PHTF2: variants seen among roughly 807,000 people sequenced by gnomAD.
PHTF2 encodes the protein putative homeodomain transcription factor 2, also known as protein PHTF2.
In PHTF2, 60 loss-of-function variants were observed where a neutral mutation model predicts 101.2. That is an observed-to-expected ratio of 0.59 (90% CI 0.48 to 0.73). The LOEUF is 0.73. Ranked by LOEUF, PHTF2 falls within the 30% of genes least tolerant of loss-of-function variation. The pLI, the probability that PHTF2 is intolerant of heterozygous loss-of-function variation, is 0.00. For synonymous variants in PHTF2, 311 were observed against 307.3 expected, an observed-to-expected ratio of 1.01 and a Z score of -0.13; for missense variants, 747 against 908.7, an observed-to-expected ratio of 0.82 and a Z score of 2.29.
At position 77,843,044 on chromosome 7, in the gene PHTF2, A is replaced by G. The variant is rs143625244; in HGVS notation, c.45+2744A>G. 9.8e-4 allele frequency among the ~76,000 whole-genome samples: 150 copies of G among 152,312 alleles called. 1 individual carries two copies. Among genetic ancestry groups the G allele is most frequent in the African/African-American group, 3.4e-3 (141 of 41,570 alleles). On this transcript the variant is annotated intron_variant, in intron 2 of 19. Transcript: ENST00000416283. ...ACACCATTTTTAAAAATGATATTTC[A>G]TGTTTTGAAGCATGCCTGCCTTGTT...
At chr7:77,888,399 A>G (rs1232021756) in intron 3 of PHTF2, among the ~76,000 whole-genome samples, 1 of 152,190 alleles carries the variant, frequency 6.6e-6, no homozygotes, top group African/African-American at 2.4e-5. Context: ...TACGGGCATG[A>G]GCCGCTGCGC....
At chr7:77,932,823 T>C (rs908771429) in intron 12 of PHTF2, among the ~76,000 whole-genome samples, 2 of 152,142 alleles carry the variant, frequency 1.3e-5, no homozygotes, top group African/African-American at 4.8e-5. Flanking sequence ...CATTTACTTA[T>C]GCCACACACT....
intron 2 of PHTF2, among the ~76,000 whole-genome samples, chr7:77,852,766 G>A: frequency 6.6e-6 from 1 of 152,194 alleles, no homozygotes; most frequent in Non-Finnish European, 1.5e-5. Context: ...TTGAAGGACA[G>A]ATCTGGTGTT....
chr7:77,894,676 T>C (rs1433874333), intron 5 of PHTF2, among the ~76,000 whole-genome samples: 1 of 152,088 alleles, frequency 6.6e-6, no homozygotes, highest in Non-Finnish European at 1.5e-5. Context: ...TAATTACACA[T>C]GAGATAAATT....
At chr7:77,918,555 T>C (rs956336090) in intron 9 of PHTF2, among the ~76,000 whole-genome samples, 1 of 152,204 alleles carries the variant, frequency 6.6e-6, no homozygotes, top group African/African-American at 2.4e-5. Flanking sequence ...GGATATCAAG[T>C]AACAACTTCA....
chr7:77,851,435 T>C (rs921691191), intron 2 of PHTF2, among the ~76,000 whole-genome samples: 3 of 152,190 alleles, frequency 2.0e-5, no homozygotes, highest in Non-Finnish European at 2.9e-5. Flanking sequence ...TGAATTTCTG[T>C]AGAGTCCATT....
intron 3 of PHTF2, among the ~76,000 whole-genome samples, chr7:77,890,380 A>G (rs894185535): frequency 1.7e-4 from 26 of 152,032 alleles, no homozygotes; most frequent in African/African-American, 6.0e-4. Context: ...GGATTATTTT[A>G]TTTTTCCTGA....
intron 3 of PHTF2, among the ~76,000 whole-genome samples, chr7:77,860,588 G>C (rs905810812): frequency 6.6e-6 from 1 of 152,192 alleles, no homozygotes; most frequent in Non-Finnish European, 1.5e-5. Context: ...TAAACACCAA[G>C]TACAGTGCTT....
chr7:77,851,744 C>T (rs1036584548), intron 2 of PHTF2, among the ~76,000 whole-genome samples: 4 of 151,560 alleles, frequency 2.6e-5, no homozygotes. Flanking sequence ...TCTTCTACTA[C>T]TGATTCTGGG....
intron 12 of PHTF2, among the ~76,000 whole-genome samples, chr7:77,931,504 A>G (rs1804561648): frequency 6.6e-6 from 1 of 152,240 alleles, no homozygotes; most frequent in South Asian, 2.1e-4. Context: ...AGTTAGGGAA[A>G]TGTAAATTAG....
At chr7:77,847,639 A>G (rs1796407285) in intron 2 of PHTF2, among the ~76,000 whole-genome samples, 1 of 152,238 alleles carries the variant, frequency 6.6e-6, no homozygotes, top group South Asian at 2.1e-4. Flanking sequence ...TTTTGATACA[A>G]ACATATAATC....
At chr7:77,826,276 A>G (rs1794692694) in intron 1 of PHTF2, among the ~76,000 whole-genome samples, 1 of 152,254 alleles carries the variant, frequency 6.6e-6, no homozygotes, top group Non-Finnish European at 1.5e-5. Flanking sequence ...TCCAGAAGAC[A>G]ATGGAAAAAT....
chr7:77,911,199 A>G (rs1355574178), intron 9 of PHTF2, among the ~76,000 whole-genome samples: 2 of 138,842 alleles, frequency 1.4e-5, no homozygotes, highest in Admixed American at 7.2e-5. Context: ...CTTTTTGCAT[A>G]CAACTATACA....
chr7:77,950,033 A>G (rs1806402821), intron 17 of PHTF2, among the ~76,000 whole-genome samples, 200 bp downstream of exon 16: 1 of 152,166 alleles, frequency 6.6e-6, no homozygotes, highest in Non-Finnish European at 1.5e-5. Flanking sequence ...TGCTTTTTTA[A>G]TGTCCCATTT....
intron 1 of PHTF2, among the ~76,000 whole-genome samples, chr7:77,802,380 TC>T (rs1336230925): frequency 6.6e-6 from 1 of 152,194 alleles, no homozygotes; most frequent in Non-Finnish European, 1.5e-5. Context: ...ATACTTACTT[TC>T]CCAGTTCAAA....
At chr7:77,845,441 G>T (rs543005889) in intron 2 of PHTF2, among the ~76,000 whole-genome samples, 41 of 152,320 alleles carry the variant, frequency 2.7e-4, no homozygotes, top group African/African-American at 9.6e-4. Flanking sequence ...TCTTTAAGGA[G>T]TCAGTTGCCA....
At chr7:77,937,135 G>A (rs1158996441) in intron 12 of PHTF2, among the ~76,000 whole-genome samples, 2 of 151,798 alleles carry the variant, frequency 1.3e-5, no homozygotes, top group Non-Finnish European at 2.9e-5. Context: ...TAAAATATCA[G>A]AAAAGTAACT....
intron 2 of PHTF2, among the ~76,000 whole-genome samples, chr7:77,847,064 C>G (rs1298182645): frequency 6.6e-6 from 1 of 152,142 alleles, no homozygotes; most frequent in Non-Finnish European, 1.5e-5. Flanking sequence ...TTAATCAGTT[C>G]TGAAAGTGAC....
chr7:77,906,931 A>G (rs1185300339), intron 7 of PHTF2, among the ~76,000 whole-genome samples: 1 of 105,490 alleles, frequency 9.5e-6, no homozygotes, highest in Non-Finnish European at 2.0e-5. Context: ...AGTTAATGGT[A>G]GCTAAAAAAA....
Sources: allele counts gnomAD v4.1 joint callset (sites outside exome capture counted in the v4.1 genomes callset), GRCh38; gene constraint gnomAD v4.1.1; transcripts MANE v1.5; gene names NCBI Gene and HGNC (gene_info 2026-07-23, HGNC 2026-07-21).